PLPBP: variants seen among roughly 807,000 people sequenced by gnomAD.
PLPBP encodes pyridoxal phosphate binding protein, also known as pyridoxal phosphate homeostasis protein.
In PLPBP, 21 loss-of-function variants were observed where a neutral mutation model predicts 31.2. The ratio of observed to expected loss-of-function variants is 0.67; its 90% CI spans 0.48 to 0.97. The LOEUF (loss-of-function observed/expected upper bound fraction) is 0.97, where lower values mean the gene tolerates loss of function less well. Ranked by LOEUF, PLPBP falls within the 50% of genes least tolerant of loss-of-function variation. The probability of loss-of-function intolerance (pLI) is 0.00; values close to 1 mark genes in which losing one functional copy is unlikely to be tolerated. For synonymous variants in PLPBP, 124 were observed against 135.6 expected (o/e 0.91, Z 0.59); for missense variants, 308 against 354.4 (o/e 0.87, Z 1.05).
chr8:37,774,147 A>G (rs994640932), intron 5 of PLPBP, among the ~76,000 whole-genome samples: 1 of 152,016 alleles, frequency 6.6e-6, no homozygotes, highest in South Asian at 2.1e-4. Flanking sequence ...GGAGGTGAAT[A>G]TTGCAGTGAT....
chr8:37,774,235 T>A (rs1478795705), intron 5 of PLPBP, among the ~76,000 whole-genome samples: 1 of 151,932 alleles, frequency 6.6e-6, no homozygotes, highest in African/African-American at 2.4e-5. Flanking sequence ...AAATAAAAAA[T>A]TATGGTGAGC....
At chr8:37,772,380 T>G (rs1803794067) in intron 4 of PLPBP, among the ~76,000 whole-genome samples, 1 of 152,208 alleles carries the variant, frequency 6.6e-6, no homozygotes, top group Non-Finnish European at 1.5e-5. Context: ...TAGGGAAGCA[T>G]CTTGGCTTCC....
At chr8:37,762,884 G>C (rs1164430453) in intron 1 of PLPBP, 126 bp downstream of exon 1, 3 of 1,236,232 alleles carry the variant, frequency 2.4e-6, no homozygotes, top group African/African-American at 3.1e-5. Flanking sequence ...CGGCCGCCTA[G>C]GGCCACCGAA....
chr8:37,771,142 C>A (rs976617751), intron 4 of PLPBP, among the ~76,000 whole-genome samples: 1 of 151,872 alleles, frequency 6.6e-6, no homozygotes, highest in Admixed American at 6.6e-5. Context: ...ATGTATATTT[C>A]TTTCTTTTTT....
intron 3 of PLPBP, 99 bp downstream of exon 3, chr8:37,765,845 G>A (rs752997291): frequency 1.5e-4 from 195 of 1,337,920 alleles, no homozygotes; most frequent in Non-Finnish European, 1.9e-4. Context: ...GCAGTTTTAG[G>A]GTGGTTGACT....
rs1381749421 is a variant in PLPBP, at chr8:37,779,572, G to C, written c.*1468G>C. ...TTTTCTCTTATTTTTTGAAGCCCCAGTCTTTGATTTTACAGGTAACTTTCA... is the reference window on the plus strand; with the variant it reads ...TTTTCTCTTATTTTTTGAAGCCCCACTCTTTGATTTTACAGGTAACTTTCA... On this transcript the variant is annotated 3_prime_UTR_variant, in exon 8 of 8. Coordinates refer to ENST00000328195, the MANE Select transcript of PLPBP (RefSeq NM_007198.4). The C allele has an allele frequency of 6.6e-6, 1 of 152,552 alleles. No homozygotes were observed. The highest frequency in any genetic ancestry group is 6.5e-5 in the Admixed American group (1 of 15,274). 9.4% of individuals were successfully genotyped at this position (152,552 alleles called of 1,614,324 possible). A position where few individuals can be genotyped will look rare whatever the true frequency, so the allele number is the denominator to read the frequency against.
At chr8:37,770,269 A>G (rs1803735269) in intron 4 of PLPBP, among the ~76,000 whole-genome samples, 1 of 152,380 alleles carries the variant, frequency 6.6e-6, no homozygotes, top group South Asian at 2.1e-4. Context: ...CAAAACTAGC[A>G]TAAAAACAGA....
chr8:37,777,096 A>G (rs868842549), intron 7 of PLPBP, among the ~76,000 whole-genome samples: 7 of 151,928 alleles, frequency 4.6e-5, no homozygotes, highest in Admixed American at 1.3e-4. Context: ...AGATTCACCA[A>G]CAATCTTATA....
intron 4 of PLPBP, chr8:37,766,850 C>A (rs1027372567): frequency 1.7e-5 from 3 of 172,402 alleles, no homozygotes; most frequent in African/African-American, 2.4e-5. Flanking sequence ...TCAAGACCAG[C>A]CTGGCCAACA....
intron 7 of PLPBP, among the ~76,000 whole-genome samples, chr8:37,777,265 ATACAT>A (rs1478430874): frequency 6.6e-6 from 1 of 152,270 alleles, no homozygotes; most frequent in African/African-American, 2.4e-5. Flanking sequence ...CAGTGCAAAA[ATACAT>A]TGCATTGATA....
At chr8:37,776,338 TG>T (rs1803909614) in intron 7 of PLPBP, among the ~76,000 whole-genome samples, 1 of 150,904 alleles carries the variant, frequency 6.6e-6, no homozygotes, top group Non-Finnish European at 1.5e-5. Flanking sequence ...TAGCTGGGCG[TG>T]GTGGCGCACG....
intron 1 of PLPBP, among the ~76,000 whole-genome samples, chr8:37,763,449 T>C (rs1385460772): frequency 1.3e-5 from 2 of 152,246 alleles, no homozygotes; most frequent in Non-Finnish European, 2.9e-5. Flanking sequence ...CAGGTTTCTC[T>C]GATCGAGCAT....
chr8:37,769,906 G>A (rs1316891200), intron 4 of PLPBP, among the ~76,000 whole-genome samples: 1 of 152,140 alleles, frequency 6.6e-6, no homozygotes, highest in Non-Finnish European at 1.5e-5. Context: ...AGCTACAAAT[G>A]AAATACCTAA....
intron 5 of PLPBP, among the ~76,000 whole-genome samples, chr8:37,773,469 C>CTTTTTTT (rs1381266888): frequency 8.3e-6 from 1 of 119,958 alleles, no homozygotes; most frequent in African/African-American, 3.2e-5. Flanking sequence ...CACACTCAGC[C>CTTTTTTT]TTTTTTTTTT....
At chr8:37,763,533 C>T (rs573049670) in intron 1 of PLPBP, among the ~76,000 whole-genome samples, 1 of 152,138 alleles carries the variant, frequency 6.6e-6, no homozygotes, top group East Asian at 1.9e-4. Flanking sequence ...TTGAACAAGT[C>T]AGGTAACTAT....
rs1408183660 is a variant in PLPBP at position 37,773,626 on chromosome 8, G to C, written c.454+737G>C. On this transcript the variant is annotated intron_variant, in intron 5 of 7. Coordinates refer to ENST00000328195, the MANE Select transcript of PLPBP (RefSeq NM_007198.4). ...TGGGATTACAGGCACGCGCTACCAC[G>C]CCCAGCTAATATTTGTATTTTTAGT... 6.6e-5 allele frequency among the ~76,000 whole-genome samples: 10 copies of C among 151,826 alleles called. No homozygotes were observed. In the East Asian group the frequency reaches 1.9e-3, roughly 29 times the overall value.
chr8:37,772,966 G>A, intron 5 of PLPBP, 77 bp downstream of exon 5: 2 of 1,551,804 alleles, frequency 1.3e-6, no homozygotes, highest in Non-Finnish European at 1.8e-6. Context: ...GTGGGCCCAA[G>A]TGTCTGATGG....
intron 4 of PLPBP, 57 bp downstream of exon 4, chr8:37,766,412 A>G: frequency 6.6e-7 from 1 of 1,519,638 alleles, no homozygotes; most frequent in Non-Finnish European, 9.0e-7. Context: ...TGCTTCTACT[A>G]CCCTTTGTGG....
chr8:37,764,089 GTTGTGTTGTTTTGTT>G (rs1264827037), intron 1 of PLPBP, among the ~76,000 whole-genome samples: 7 of 66,982 alleles, frequency 1.0e-4, no homozygotes, highest in South Asian at 4.0e-4. Flanking sequence ...TTTTTTTTTT[GTTGTGTTGTTTTGTT>G]TTGTTTTGTT....
Sources: allele counts gnomAD v4.1 joint callset (sites outside exome capture counted in the v4.1 genomes callset), GRCh38; gene constraint gnomAD v4.1.1; transcripts MANE v1.5; gene names NCBI Gene and HGNC (gene_info 2026-07-23, HGNC 2026-07-21).